LEMD3: variants seen among roughly 807,000 people sequenced by gnomAD.
LEMD3 encodes inner nuclear membrane protein Man1.
A neutral mutation model predicts 95.2 loss-of-function variants in LEMD3; 33 were observed. The ratio of observed to expected loss-of-function variants is 0.35; its 90% CI spans 0.26 to 0.46. The LOEUF (loss-of-function observed/expected upper bound fraction) is 0.46. Among genes scored for constraint, LEMD3 ranks in the 20% least tolerant of loss-of-function variants. The pLI is 1.00. For synonymous variants in LEMD3, 525 were observed against 474.6 expected (o/e 1.11, Z -1.38); for missense variants, 1,210 against 1,192.8 (o/e 1.01, Z -0.21).
At chr12:65,218,790 T>TA (rs1205394249) in intron 4 of LEMD3, among the ~76,000 whole-genome samples, 171 bp downstream of exon 4, 1 of 150,136 alleles carries the variant, frequency 6.7e-6, no homozygotes, top group East Asian at 1.9e-4. Flanking sequence ...CAACTTTTTT[T>TA]TTTTTTTTTT....
intron 1 of LEMD3, among the ~76,000 whole-genome samples, chr12:65,179,474 A>G (rs1181455122): frequency 3.3e-5 from 5 of 152,228 alleles, no homozygotes. Flanking sequence ...AGATAATTAT[A>G]TAGTTTGTAA....
intron 4 of LEMD3, among the ~76,000 whole-genome samples, chr12:65,237,351 C>T (rs1870803350): frequency 6.6e-6 from 1 of 152,078 alleles, no homozygotes; most frequent in Non-Finnish European, 1.5e-5. Context: ...GAAAATCCAG[C>T]CTCACATTGA....
chr12:65,207,950 G>C (rs907132608), intron 1 of LEMD3, among the ~76,000 whole-genome samples: 4 of 152,038 alleles, frequency 2.6e-5, no homozygotes, highest in Non-Finnish European at 5.9e-5. Flanking sequence ...AATTGGTGGG[G>C]GTAGAGGAAG....
intron 1 of LEMD3, among the ~76,000 whole-genome samples, chr12:65,197,698 C>A (rs990610): frequency 3.9e-5 from 6 of 152,082 alleles, no homozygotes; most frequent in Non-Finnish European, 7.4e-5. Flanking sequence ...AAGTCAATGA[C>A]GGGAACTTCT....
In LEMD3 at chr12:65,170,207, G is replaced by A; in HGVS notation, c.611G>A (p.Gly204Asp). 6 of 1,500,038 alleles carry A rather than the reference G, an allele frequency of 4.0e-6. No homozygotes were observed. Among genetic ancestry groups the A allele is most frequent in the Non-Finnish European group, 5.3e-6 (6 of 1,123,700 alleles). 92.9% of individuals were successfully genotyped at this position (1,500,038 alleles called of 1,614,324 possible). A position where few individuals can be genotyped will look rare whatever the true frequency, so the allele number is the denominator to read the frequency against. The change falls in exon 1 of 13, where the codon GGC becomes GAC. Residue 204 changes from glycine (G) to aspartate (D), a missense_variant. By Grantham distance (94) the Gly-to-Asp change is moderately conservative (BLOSUM62 -1). This residue lies in a region of LEMD3 where 749 missense variants were observed against 622.9 expected (regional missense o/e 1.20). Transcript: ENST00000308330. ...TGGTGGGGGGCCAGGAGGCCGGCGG[G>A]CCCCGAGCTGCAGACCCCGCCGGGG... ...HSWWGARRPA[G>D]PELQTPPGKD...
Position 65,169,947 on chromosome 12 carries a change from C to A in LEMD3, c.351C>A (p.Ser117Arg). ...LCRISASGPE[S>R]LLGGPGGASA... ...GAATCTCGGCCTCTGGCCCAGAGAG[C>A]CTCCTGGGAGGGCCCGGGGGCGCCT... Residue 117 changes from serine to arginine, a missense_variant, in exon 1 of 13, where the codon AGC becomes AGA. Coordinates refer to ENST00000308330, the MANE Select transcript of LEMD3 (RefSeq NM_014319.5). 6.9e-7 allele frequency: 1 copy of A among 1,455,322 alleles called. No homozygotes were observed. The highest frequency in any genetic ancestry group is 1.5e-5 in the South Asian group (1 of 68,908). The allele number at this position is 1,455,322 out of a possible 1,614,324, so 90.2% of individuals were successfully genotyped here.
chr12:65,184,977 CT>C (rs1205885921), intron 1 of LEMD3, among the ~76,000 whole-genome samples: 4 of 151,526 alleles, frequency 2.6e-5, no homozygotes, highest in Admixed American at 2.6e-4. Flanking sequence ...AATTCAGATA[CT>C]TTTTTTTTCT....
chr12:65,213,087 AAGATAGATAGAT>A (rs147534273), intron 2 of LEMD3, among the ~76,000 whole-genome samples: 7 of 151,896 alleles, frequency 4.6e-5, no homozygotes, highest in Admixed American at 6.6e-5. Context: ...CAAGACTGTA[AAGATAGATAGAT>A]AGATAGATAG....
At chr12:65,222,897 A>G (rs553581266) in intron 4 of LEMD3, among the ~76,000 whole-genome samples, 7 of 151,852 alleles carry the variant, frequency 4.6e-5, no homozygotes, top group Non-Finnish European at 8.8e-5. Context: ...CTTTGATCCA[A>G]TGCTTGTTCT....
At chr12:65,204,688 T>C (rs1368935414) in intron 1 of LEMD3, among the ~76,000 whole-genome samples, 1 of 152,160 alleles carries the variant, frequency 6.6e-6, no homozygotes, top group African/African-American at 2.4e-5. Context: ...CCTTTGGGTA[T>C]ATTCAGTAAT....
intron 1 of LEMD3, among the ~76,000 whole-genome samples, chr12:65,207,225 A>T (rs1183354539): frequency 6.6e-6 from 1 of 152,124 alleles, no homozygotes; most frequent in East Asian, 1.9e-4. Flanking sequence ...AGACTATAGT[A>T]CTTTTTCTGG....
Position 65,212,983 on chromosome 12 carries a change from A to G in LEMD3, c.1560+2020A>G, listed in dbSNP as rs1869988028. On this transcript the variant is annotated intron_variant, in intron 2 of 12. Coordinates refer to ENST00000308330, the MANE Select transcript of LEMD3 (RefSeq NM_014319.5). Reference sequence around the variant, plus strand: ...GTGTACTTGTACTAAAGATAACTGAACCAAAACCTTTGTTTCTTTCTCAAA... The same window carrying G: ...GTGTACTTGTACTAAAGATAACTGAGCCAAAACCTTTGTTTCTTTCTCAAA... Among the ~76,000 whole-genome samples, 4 of 152,304 alleles carry G rather than the reference A, an allele frequency of 2.6e-5. No individual in the cohort carries two copies. The South Asian group carries it at 8.3e-4, about 32-fold the overall frequency.
chr12:65,171,150 AAG>A, intron 1 of LEMD3, 32 bp downstream of exon 1: 2 of 1,604,078 alleles, frequency 1.2e-6, no homozygotes, highest in Non-Finnish European at 1.7e-6. Context: ...TAAGGTAACA[AAG>A]AGAATGTTGT....
chr12:65,171,078 A>G lies in LEMD3; in HGVS notation c.1482A>G (p.Gly494=). Residue 494 remains glycine (G), a synonymous_variant, in exon 1 of 13, where the codon GGA becomes GGG. Transcript: ENST00000308330. ...FFLILGLTYL[G]MRGTGVSEDG... ...TAATACTGGGACTGACTTACCTAGG[A>G]ATGAGAGGGACAGGAGTATCTGAGG... 6.2e-7 allele frequency: 1 copy of G among 1,613,762 alleles called. No individual in the cohort carries two copies. Among genetic ancestry groups the G allele is most frequent in the Non-Finnish European group, 8.5e-7 (1 of 1,180,024 alleles).
chr12:65,179,378 T>C (rs1187661948), intron 1 of LEMD3, among the ~76,000 whole-genome samples: 1 of 152,188 alleles, frequency 6.6e-6, no homozygotes, highest in Non-Finnish European at 1.5e-5. Context: ...TAAAGCTTGC[T>C]TCTCCTTGCT....
intron 1 of LEMD3, among the ~76,000 whole-genome samples, chr12:65,194,601 C>G (rs1869351011): frequency 6.6e-6 from 1 of 151,824 alleles, no homozygotes; most frequent in Non-Finnish European, 1.5e-5. Context: ...AAAGACGTAT[C>G]AAAAGGCTAG....
intron 1 of LEMD3, among the ~76,000 whole-genome samples, chr12:65,199,439 A>G (rs1007883679): frequency 6.6e-6 from 1 of 152,152 alleles, no homozygotes; most frequent in African/African-American, 2.4e-5. Flanking sequence ...AAATTTATGA[A>G]TATTTTCAGA....
intron 3 of LEMD3, among the ~76,000 whole-genome samples, chr12:65,216,906 G>A (rs942146528): frequency 6.6e-6 from 1 of 152,090 alleles, no homozygotes; most frequent in South Asian, 2.1e-4. Flanking sequence ...GTATTATATC[G>A]CTAAAAGCCT....
intron 1 of LEMD3, among the ~76,000 whole-genome samples, chr12:65,178,890 G>C (rs1868814409): frequency 6.6e-6 from 1 of 152,078 alleles, no homozygotes; most frequent in African/African-American, 2.4e-5. Flanking sequence ...GACAAGTATA[G>C]ATTCATAAAA....
Sources: gnomAD v4.1 joint callset for allele counts (sites outside exome capture counted in the v4.1 genomes callset) on GRCh38, gnomAD v4.1.1 for gene constraint, gnomAD v4.1.1 regional missense constraint, MANE v1.5 for transcripts, NCBI Gene and HGNC (gene_info 2026-07-23, HGNC 2026-07-21) for gene names.